The following SNTG1 variants were observed in gnomAD, a reference collection of about 807,000 sequenced individuals.
SNTG1 encodes the protein gamma-1-syntrophin.
A neutral mutation model predicts 74.7 loss-of-function variants in SNTG1; 39 were observed. That is an observed-to-expected ratio of 0.52 (90% CI 0.40 to 0.68). SNTG1 has a LOEUF of 0.68. Ranked by LOEUF, SNTG1 falls within the 30% of genes least tolerant of loss-of-function variation. The pLI is 0.00. For synonymous variants in SNTG1, 254 were observed against 217.1 expected (o/e 1.17, Z -1.49); for missense variants, 685 against 609.5 (o/e 1.12, Z -1.30).
intron 1 of SNTG1, among the ~76,000 whole-genome samples, chr8:50,015,735 C>T (rs1816246998): frequency 6.6e-6 from 1 of 152,098 alleles, no homozygotes; most frequent in African/African-American, 2.4e-5. Context: ...TTACAATCAA[C>T]ACATTGTTGC....
chr8:50,564,117 CG>C (rs1348553332), intron 12 of SNTG1, among the ~76,000 whole-genome samples: 1 of 133,576 alleles, frequency 7.5e-6, no homozygotes, highest in Non-Finnish European at 1.5e-5. Context: ...TGTTGCAGTC[CG>C]TTTTTTTTTT....
chr8:50,296,005 G>A (rs779263813), intron 2 of SNTG1, among the ~76,000 whole-genome samples: 4 of 151,992 alleles, frequency 2.6e-5, no homozygotes. Flanking sequence ...TGCTAGGCTG[G>A]GACTCTATGT....
At chr8:50,052,170 G>C (rs1819632427) in intron 1 of SNTG1, among the ~76,000 whole-genome samples, 1 of 151,960 alleles carries the variant, frequency 6.6e-6, no homozygotes, top group Non-Finnish European at 1.5e-5. Flanking sequence ...TAAAAGGATA[G>C]AGTAATCAGA....
chr8:50,345,720 T>A (rs2091452925), intron 2 of SNTG1, among the ~76,000 whole-genome samples: 2 of 152,264 alleles, frequency 1.3e-5, no homozygotes, highest in African/African-American at 4.8e-5. Flanking sequence ...GTATATTTTA[T>A]ACCAGTTTTC....
intron 18 of SNTG1, among the ~76,000 whole-genome samples, chr8:50,772,170 C>T (rs1407578503): frequency 1.3e-5 from 2 of 152,074 alleles, no homozygotes; most frequent in African/African-American, 4.8e-5. Flanking sequence ...CCATGTAATG[C>T]CCACCTAGGA....
intron 15 of SNTG1, among the ~76,000 whole-genome samples, chr8:50,659,205 C>G (rs1037687890): frequency 6.6e-6 from 1 of 152,118 alleles, no homozygotes; most frequent in Non-Finnish European, 1.5e-5. Flanking sequence ...ATGCCATATG[C>G]AGGATTATTA....
At chr8:50,781,067 GAC>G (rs1268199210) in intron 18 of SNTG1, among the ~76,000 whole-genome samples, 2 of 152,188 alleles carry the variant, frequency 1.3e-5, no homozygotes, top group East Asian at 3.8e-4. Context: ...TGGTCTGAGA[GAC>G]AGTTTGTTAT....
intron 4 of SNTG1, among the ~76,000 whole-genome samples, chr8:50,414,794 G>A (rs1436080683): frequency 6.6e-6 from 1 of 151,932 alleles, no homozygotes; most frequent in African/African-American, 2.4e-5. Flanking sequence ...CAGATCTGAA[G>A]TGTACAGGCC....
At chr8:50,647,922 G>C (rs1158731294) in intron 13 of SNTG1, among the ~76,000 whole-genome samples, 1 of 151,296 alleles carries the variant, frequency 6.6e-6, no homozygotes. Context: ...GAGATACACT[G>C]TTTCTTTAGA....
intron 1 of SNTG1, among the ~76,000 whole-genome samples, chr8:50,108,717 A>G (rs1487563145): frequency 6.6e-6 from 1 of 152,154 alleles, no homozygotes; most frequent in Non-Finnish European, 1.5e-5. Context: ...AAATCCTACT[A>G]TGTCCAGCTC....
chr8:50,324,906 T>A (rs2090675512), intron 2 of SNTG1, among the ~76,000 whole-genome samples: 1 of 146,736 alleles, frequency 6.8e-6, no homozygotes, highest in African/African-American at 2.5e-5. Flanking sequence ...TATGATCCCT[T>A]TTGCATTAAT....
At chr8:50,624,566 G>T (rs574476846) in intron 13 of SNTG1, among the ~76,000 whole-genome samples, 1 of 152,178 alleles carries the variant, frequency 6.6e-6, no homozygotes, top group East Asian at 1.9e-4. Context: ...TGGTAGTACT[G>T]CTACTAGAAA....
chr8:50,572,598 G>C (rs986437093), intron 12 of SNTG1, among the ~76,000 whole-genome samples: 2 of 152,080 alleles, frequency 1.3e-5, no homozygotes, highest in Non-Finnish European at 2.9e-5. Flanking sequence ...TTTATACATA[G>C]TCATGAGAAA....
intron 8 of SNTG1, among the ~76,000 whole-genome samples, chr8:50,493,291 A>G (rs918599321): frequency 2.0e-5 from 3 of 152,272 alleles, no homozygotes; most frequent in African/African-American, 7.2e-5. Context: ...CATCCAACCA[A>G]AAACAAATGA....
intron 1 of SNTG1, among the ~76,000 whole-genome samples, chr8:50,145,692 T>C (rs779802911): frequency 6.6e-6 from 1 of 152,140 alleles, no homozygotes; most frequent in African/African-American, 2.4e-5. Flanking sequence ...CCCGACAAAG[T>C]TTAGGGAAAG....
chr8:50,142,475 T>TTA lies in SNTG1; in HGVS notation c.-102-30066_-102-30065dup, dbSNP rs10552210. Reference sequence around the variant, plus strand: ...TAACACAAACCTGCAATTAAAAAGATTATATATATATATATATATATTTGG... The same window carrying TTA: ...TAACACAAACCTGCAATTAAAAAGATTATATATATATATATATATATATTTGG... On this transcript the variant is annotated intron_variant, in intron 1 of 18. Coordinates refer to ENST00000642720, the MANE Select transcript of SNTG1 (RefSeq NM_018967.5). 7.6e-3 allele frequency among the ~76,000 whole-genome samples: 1,120 copies of TTA among 147,196 alleles called. 7 individuals are homozygous for TTA. Among genetic ancestry groups the TTA allele is most frequent in the East Asian group, 0.041 (203 of 5,004 alleles).
chr8:50,369,510 C>A (rs572259088), intron 2 of SNTG1, among the ~76,000 whole-genome samples: 2 of 151,832 alleles, frequency 1.3e-5, no homozygotes, highest in Non-Finnish European at 2.9e-5. Context: ...GCAGGAAAAT[C>A]GCTTGAACCC....
chr8:50,791,880 T>C (rs974920533), intron 18 of SNTG1, among the ~76,000 whole-genome samples: 1 of 151,852 alleles, frequency 6.6e-6, no homozygotes, highest in Non-Finnish European at 1.5e-5. Context: ...CAACATCATC[T>C]TTCTAAATGT....
chr8:50,018,805 G>T (rs780443244), intron 1 of SNTG1, among the ~76,000 whole-genome samples: 12 of 151,936 alleles, frequency 7.9e-5, no homozygotes, highest in Non-Finnish European at 1.6e-4. Flanking sequence ...CACTAAGATG[G>T]TTATAAACAA....
Sources: allele counts gnomAD v4.1 joint callset (sites outside exome capture counted in the v4.1 genomes callset), GRCh38; gene constraint gnomAD v4.1.1; transcripts MANE v1.5; gene names NCBI Gene and HGNC (gene_info 2026-07-23, HGNC 2026-07-21).